Variants in ACOT13 observed in about 807,000 individuals in gnomAD.
ACOT13 encodes the protein acyl-CoA thioesterase 13.
ACOT13 carries 10 observed loss-of-function variants against 11.8 expected under a neutral mutation model. The ratio of observed to expected loss-of-function variants is 0.85; its 90% CI spans 0.53 to 1.44. The LOEUF (loss-of-function observed/expected upper bound fraction) is 1.44, where lower values mean the gene tolerates loss of function less well. Ranked by LOEUF, ACOT13 falls within the 40% of genes most tolerant of loss-of-function variation. The probability of loss-of-function intolerance (pLI) is 0.00; values close to 1 mark genes in which losing one functional copy is unlikely to be tolerated. For missense variants in ACOT13, 172 were observed against 174.1 expected (o/e 0.99, Z 0.07); for synonymous variants, 53 against 61.0 (o/e 0.87, Z 0.61).
At chr6:24,674,641 C>G (rs570082213) in intron 1 of ACOT13, among the ~76,000 whole-genome samples, 1 of 151,236 alleles carries the variant, frequency 6.6e-6, no homozygotes, top group Admixed American at 6.6e-5. Flanking sequence ...GTCTCAAACT[C>G]CTGACCTCAA....
At chr6:24,698,543 C>CA (rs1778836179) in intron 2 of ACOT13, among the ~76,000 whole-genome samples, 1 of 150,970 alleles carries the variant, frequency 6.6e-6, no homozygotes, top group Admixed American at 6.6e-5. Context: ...CCACTTATAA[C>CA]ACTATGAGGA....
chr6:24,673,738 ATG>A (rs1303962479), intron 1 of ACOT13, among the ~76,000 whole-genome samples: 1 of 152,180 alleles, frequency 6.6e-6, no homozygotes, highest in African/African-American at 2.4e-5. Context: ...TTTCGTGTAT[ATG>A]TGTCTTTTTT....
chr6:24,696,485 G>C (rs1302062590), intron 1 of ACOT13, among the ~76,000 whole-genome samples: 1 of 152,148 alleles, frequency 6.6e-6, no homozygotes, highest in African/African-American at 2.4e-5. Context: ...ATATCAAAGT[G>C]CCTAATAAAT....
chr6:24,670,593 A>G (rs994557796), intron 1 of ACOT13, among the ~76,000 whole-genome samples: 1 of 152,242 alleles, frequency 6.6e-6, no homozygotes, highest in African/African-American at 2.4e-5. Context: ...AAATGAAAAC[A>G]GATTCTTACT....
chr6:24,695,495 T>C (rs938034912), intron 1 of ACOT13, among the ~76,000 whole-genome samples: 9 of 152,338 alleles, frequency 5.9e-5, no homozygotes, highest in African/African-American at 1.9e-4. Context: ...CCTGGAAATA[T>C]ACATTTTTAA....
At chr6:24,683,028 G>A (rs889792874) in intron 1 of ACOT13, among the ~76,000 whole-genome samples, 1 of 152,188 alleles carries the variant, frequency 6.6e-6, no homozygotes, top group Non-Finnish European at 1.5e-5. Context: ...TTTAAAGGTG[G>A]ATGCGGTCAC....
At chr6:24,687,645 A>G (rs1364082139) in intron 1 of ACOT13, 5 of 1,524,522 alleles carry the variant, frequency 3.3e-6, no homozygotes, top group East Asian at 5.0e-5. Flanking sequence ...AAAGACATAC[A>G]GGCTTGAGAG....
At chr6:24,678,912 C>T (rs529677737) in intron 1 of ACOT13, among the ~76,000 whole-genome samples, 54 of 152,262 alleles carry the variant, frequency 3.5e-4, no homozygotes, top group East Asian at 7.7e-4. Flanking sequence ...CAAGCATACC[C>T]GGGGCCCTGT....
chr6:24,675,194 A>G (rs899952174), intron 1 of ACOT13, among the ~76,000 whole-genome samples: 1 of 152,152 alleles, frequency 6.6e-6, no homozygotes, highest in Non-Finnish European at 1.5e-5. Flanking sequence ...GTAAACATAC[A>G]TGTGCATGTG....
chr6:24,695,083 T>C (rs549560394), intron 1 of ACOT13, among the ~76,000 whole-genome samples: 1 of 152,006 alleles, frequency 6.6e-6, no homozygotes, highest in Admixed American at 6.6e-5. Context: ...CCGAGGTGGG[T>C]GGATCACCTG....
Position 24,697,868 on chromosome 6 carries a change from T to G in ACOT13, c.82-15T>G, listed in dbSNP as rs767492012. On this transcript the variant is annotated splice_polypyrimidine_tract_variant and intron_variant, in intron 1 of 2. Transcript: ENST00000230048. ...CTACAGAATTAATGTTCAGGATTCT[T>G]TTTTTTACACTTAGATTACTCTTGT... is the stretch of plus-strand genomic sequence containing the variant. The G allele has an allele frequency of 6.3e-7, 1 of 1,578,166 alleles. No homozygotes were observed. The highest frequency in any genetic ancestry group is 1.2e-5 in the South Asian group (1 of 85,318).
intron 1 of ACOT13, among the ~76,000 whole-genome samples, chr6:24,668,803 A>T (rs1023565612): frequency 7.8e-6 from 1 of 127,942 alleles, no homozygotes; most frequent in Admixed American, 7.4e-5. Flanking sequence ...TTGCAGAAAG[A>T]ATAATTTTTT....
chr6:24,672,639 C>CA (rs984362444), intron 1 of ACOT13, among the ~76,000 whole-genome samples: 4 of 151,798 alleles, frequency 2.6e-5, no homozygotes, highest in Non-Finnish European at 4.4e-5. Context: ...GACTCCATCT[C>CA]AAAAAAAGAA....
rs1172187557 is a variant in ACOT13 at position 24,702,621 on chromosome 6, G to C, written c.*1006G>C. The C allele has an allele frequency of 6.6e-6, 1 of 151,962 alleles. No homozygotes were observed. Among genetic ancestry groups the C allele is most frequent in the Non-Finnish European group, 1.5e-5 (1 of 68,014 alleles). The allele number at this position is 151,962 out of a possible 1,614,324, so 9.4% of individuals were successfully genotyped here. A position where few individuals can be genotyped will look rare whatever the true frequency, so the allele number is the denominator to read the frequency against. On this transcript the variant is annotated 3_prime_UTR_variant, in exon 3 of 3. Transcript: ENST00000230048. ...AGATCTAAAATGCCAAGCTACACTT[G>C]CATTTCCTTTTTTTAAGATTATGAA... is the stretch of plus-strand genomic sequence containing the variant.
chr6:24,686,555 T>G (rs1778632859), intron 1 of ACOT13, among the ~76,000 whole-genome samples: 1 of 151,948 alleles, frequency 6.6e-6, no homozygotes, highest in East Asian at 1.9e-4. Context: ...TTCTTTTCTA[T>G]TTTATTTTAT....
Position 24,685,084 on chromosome 6 carries a change from T to C in ACOT13, c.82-12799T>C, listed in dbSNP as rs372217832. ...TTAATTTTTGAAATCCAGTGTGAAT[T>C]TTATACTTACAGTACGTCTGAGTTC... On this transcript the variant is annotated intron_variant, in intron 1 of 2. Coordinates refer to ENST00000230048, the MANE Select transcript of ACOT13 (RefSeq NM_018473.4). Among the ~76,000 whole-genome samples, 277 of 152,258 alleles carry C rather than the reference T, an allele frequency of 1.8e-3. 8 individuals carry two copies. The South Asian group carries it at 0.038, about 21-fold the overall frequency.
At chr6:24,697,576 G>A (rs901219936) in intron 1 of ACOT13, among the ~76,000 whole-genome samples, 2 of 152,172 alleles carry the variant, frequency 1.3e-5, no homozygotes, top group East Asian at 1.9e-4. Context: ...CTTTGTTGGC[G>A]TCGAAGTTCC....
chr6:24,681,876 G>A lies in ACOT13; in HGVS notation c.81+14532G>A, dbSNP rs184771661. Among the ~76,000 whole-genome samples, 31 of 152,328 alleles carry A rather than the reference G, an allele frequency of 2.0e-4. 1 individual carries two copies. In the East Asian group the frequency reaches 5.6e-3, roughly 28 times the overall value. ...ATTTTGGGGCTACACTTTCAAGAAA[G>A]TCGTGGTCAGGACCCATGAGGTATG... On this transcript the variant is annotated intron_variant, in intron 1 of 2. Coordinates refer to ENST00000230048, the MANE Select transcript of ACOT13 (RefSeq NM_018473.4).
chr6:24,681,327 AT>A (rs1778545038), intron 1 of ACOT13, among the ~76,000 whole-genome samples: 1 of 152,160 alleles, frequency 6.6e-6, no homozygotes, highest in Admixed American at 6.5e-5. Context: ...TGGGTTAAGG[AT>A]TTTTTATAGG....
Sources: allele counts gnomAD v4.1 joint callset (sites outside exome capture counted in the v4.1 genomes callset), GRCh38; gene constraint gnomAD v4.1.1; transcripts MANE v1.5; gene names NCBI Gene and HGNC (gene_info 2026-07-23, HGNC 2026-07-21).